TNS1: variants seen among roughly 807,000 people sequenced by gnomAD.
TNS1 encodes the protein tensin 1, also known as tensin-1.
TNS1 carries 62 observed loss-of-function variants against 168.6 expected under a neutral mutation model. That is an observed-to-expected ratio of 0.37 (90% CI 0.30 to 0.45). The LOEUF (loss-of-function observed/expected upper bound fraction) is 0.45, where lower values mean the gene tolerates loss of function less well. Among genes scored for constraint, TNS1 ranks in the 20% least tolerant of loss-of-function variants. The pLI is 1.00. For synonymous variants in TNS1, 934 were observed against 933.2 expected, an observed-to-expected ratio of 1.00 and a Z score of -0.02; for missense variants, 2,240 against 2,339.4, an observed-to-expected ratio of 0.96 and a Z score of 0.88.
At position 217,821,900 on chromosome 2, in the gene TNS1, C is replaced by T. The variant is rs1942918173; in HGVS notation, c.3412G>A (p.Val1138Met). The T allele has an allele frequency of 8.2e-6, 13 of 1,589,046 alleles. No individual in the cohort carries two copies. The highest frequency in any genetic ancestry group is 2.3e-5 in the East Asian group (1 of 43,574). Residue 1138 changes from valine (V) to methionine (M), a missense_variant, in exon 23 of 33, where the codon GTG (valine) becomes ATG (methionine). This residue lies in a region of TNS1 where 2,131 missense variants were observed against 2,171.2 expected (regional missense o/e 0.98). Coordinates refer to ENST00000682258, the MANE Select transcript of TNS1 (RefSeq NM_001387777.1). The part of the protein sequence containing the change: ...SYVESVARTA[V>M]AGPRAQDSEP... ...GAGTCCTGAGCTCGGGGTCCAGCCA[C>T]CGCTGTCCGTGCCACAGACTCCACA... is the stretch of plus-strand genomic sequence containing the variant.
intron 6 of TNS1, among the ~76,000 whole-genome samples, chr2:217,904,647 T>C (rs538194594): frequency 4.6e-5 from 7 of 152,100 alleles, no homozygotes; most frequent in Non-Finnish European, 1.0e-4. Context: ...AATACTTTCT[T>C]CTAAAAAAAG....
intron 18 of TNS1, among the ~76,000 whole-genome samples, chr2:217,855,856 G>T (rs1349802896): frequency 6.6e-6 from 1 of 152,212 alleles, no homozygotes; most frequent in East Asian, 1.9e-4. Context: ...AGGGAAGAGA[G>T]TCAGTGCAGC....
intron 19 of TNS1, among the ~76,000 whole-genome samples, chr2:217,840,312 G>A (rs1468442407): frequency 6.6e-6 from 1 of 152,210 alleles, no homozygotes; most frequent in Non-Finnish European, 1.5e-5. Flanking sequence ...AACGCCTAAG[G>A]GCCTGCGTGT....
chr2:217,921,438 T>A (rs1955693152), intron 3 of TNS1, among the ~76,000 whole-genome samples: 1 of 152,152 alleles, frequency 6.6e-6, no homozygotes, highest in Non-Finnish European at 1.5e-5. Flanking sequence ...GACTGGGCAT[T>A]GGGCACCCTA....
At chr2:217,858,435 A>G in intron 18 of TNS1, 1 of 848,216 alleles carries the variant, frequency 1.2e-6, no homozygotes, top group Non-Finnish European at 1.4e-6. Flanking sequence ...GCCCAGATCC[A>G]GCAGAAAGCC....
At chr2:218,022,658 G>A (rs1450704594) in intron 1 of TNS1, among the ~76,000 whole-genome samples, 3 of 151,942 alleles carry the variant, frequency 2.0e-5, no homozygotes, top group Non-Finnish European at 4.4e-5. Flanking sequence ...TAAATGGGGG[G>A]AGGGGCAGAG....
chr2:217,805,527 ACACACAC>A (rs1559132248), intron 32 of TNS1, among the ~76,000 whole-genome samples: 6 of 26,602 alleles, frequency 2.3e-4, no homozygotes, highest in Admixed American at 7.3e-4. Flanking sequence ...CACACACACC[ACACACAC>A]CACACACACC....
At chr2:217,916,490 T>C (rs1269607724) in intron 4 of TNS1, among the ~76,000 whole-genome samples, 1 of 152,116 alleles carries the variant, frequency 6.6e-6, no homozygotes, top group Non-Finnish European at 1.5e-5. Flanking sequence ...CCTTGAAAAA[T>C]TCTTTTGACT....
chr2:217,872,307 T>A (rs1396290192), intron 18 of TNS1, among the ~76,000 whole-genome samples: 1 of 152,200 alleles, frequency 6.6e-6, no homozygotes, highest in Non-Finnish European at 1.5e-5. Flanking sequence ...AAATTATATA[T>A]CTGCTAAGGG....
chr2:217,992,955 C>T (rs1057182442), intron 1 of TNS1, among the ~76,000 whole-genome samples: 1 of 152,304 alleles, frequency 6.6e-6, no homozygotes, highest in Admixed American at 6.5e-5. Flanking sequence ...CACATAATGA[C>T]AGTGGTCCCA....
At chr2:217,935,029 A>G (rs1956529782) in intron 3 of TNS1, among the ~76,000 whole-genome samples, 1 of 152,272 alleles carries the variant, frequency 6.6e-6, no homozygotes, top group Non-Finnish European at 1.5e-5. Flanking sequence ...AGGGACTAGC[A>G]GGTCACCTGA....
intron 25 of TNS1, among the ~76,000 whole-genome samples, chr2:217,814,312 G>A (rs1423200232): frequency 6.6e-6 from 1 of 150,574 alleles, no homozygotes; most frequent in Admixed American, 6.6e-5. Flanking sequence ...CACCACACCT[G>A]GCTGGCAAAC....
At chr2:218,009,340 C>T (rs1311943359) in intron 1 of TNS1, among the ~76,000 whole-genome samples, 3 of 152,002 alleles carry the variant, frequency 2.0e-5, no homozygotes, top group Non-Finnish European at 4.4e-5. Context: ...TGTAGCTATG[C>T]CCCCACCTCC....
At chr2:217,827,957 G>C (rs1486600522) in intron 22 of TNS1, among the ~76,000 whole-genome samples, 3 of 152,236 alleles carry the variant, frequency 2.0e-5, no homozygotes, top group African/African-American at 7.2e-5. Flanking sequence ...ACTGGAGAGT[G>C]TTTGAGATAC....
chr2:217,864,537 G>A (rs892627389), intron 18 of TNS1, among the ~76,000 whole-genome samples: 1 of 152,192 alleles, frequency 6.6e-6, no homozygotes, highest in Non-Finnish European at 1.5e-5. Context: ...AGATGGAGGA[G>A]GCAAAGGTTT....
chr2:217,940,523 A>C (rs1956859206), intron 3 of TNS1, among the ~76,000 whole-genome samples: 1 of 151,994 alleles, frequency 6.6e-6, no homozygotes, highest in African/African-American at 2.4e-5. Context: ...TCCCACCATC[A>C]CTGAGTCTCT....
At chr2:217,936,602 G>A (rs1956621794) in intron 3 of TNS1, among the ~76,000 whole-genome samples, 1 of 152,086 alleles carries the variant, frequency 6.6e-6, no homozygotes, top group East Asian at 1.9e-4. Flanking sequence ...CCCCTGCCCA[G>A]TACAGCCGTC....
chr2:217,886,146 G>A (rs367704543), intron 13 of TNS1, 42 bp from the exon 14 acceptor site: 4 of 1,608,400 alleles, frequency 2.5e-6, no homozygotes, highest in Non-Finnish European at 3.4e-6. Context: ...AGCAGAAACT[G>A]GCAGGCAGGA....
intron 18 of TNS1, among the ~76,000 whole-genome samples, chr2:217,862,795 C>G (rs1030131407): frequency 6.6e-6 from 1 of 152,218 alleles, no homozygotes; most frequent in African/African-American, 2.4e-5. Flanking sequence ...GATGGGTGCT[C>G]AGAGACTGTG....
Sources: gnomAD v4.1 joint callset for allele counts (sites outside exome capture counted in the v4.1 genomes callset) on GRCh38, gnomAD v4.1.1 for gene constraint, gnomAD v4.1.1 regional missense constraint, MANE v1.5 for transcripts, NCBI Gene and HGNC (gene_info 2026-07-23, HGNC 2026-07-21) for gene names.